GMPPA: variants seen among roughly 807,000 people sequenced by gnomAD.
The protein encoded by GMPPA is mannose-1-phosphate guanylyltransferase regulatory subunit alpha.
GMPPA carries 46 observed loss-of-function variants against 58.6 expected under a neutral mutation model. That is an observed-to-expected ratio of 0.78 (90% CI 0.62 to 1.00). The LOEUF is 1.00. Ranked by LOEUF, GMPPA falls within the 50% of genes least tolerant of loss-of-function variation. The pLI is 0.00. For synonymous variants in GMPPA, 211 were observed against 214.9 expected (o/e 0.98, Z 0.16); for missense variants, 468 against 556.4 (o/e 0.84, Z 1.60).
At chr2:219,505,843 G>A (rs1694568085) in intron 10 of GMPPA, 82 bp downstream of exon 10, 1 of 1,233,958 alleles carries the variant, frequency 8.1e-7, no homozygotes. Flanking sequence ...AGTTCTGGGT[G>A]CCGGTTTCTT....
Position 219,502,131 on chromosome 2 carries a change from G to A in GMPPA, c.429+94G>A. 1 of 1,287,442 alleles carries A rather than the reference G, an allele frequency of 7.8e-7. No homozygotes were observed. The highest frequency in any genetic ancestry group is 1.1e-6 in the Non-Finnish European group (1 of 904,564). The allele number at this position is 1,287,442 out of a possible 1,614,324, so 79.8% of individuals were successfully genotyped here. On this transcript the variant is annotated intron_variant, in intron 5 of 12. Coordinates refer to ENST00000313597, the MANE Select transcript of GMPPA (RefSeq NM_013335.4). The surrounding 1 kb of genome is among the most constrained non-coding windows in gnomAD (Gnocchi z 4.0). ...TTGGGGAGGCAGGGGCGCCCCGGGA[G>A]TTGGTGTGGGAGCTGGCGTCAGGAG...
At position 219,505,743 on chromosome 2, in the gene GMPPA, G is replaced by A. The variant is rs1430156428; in HGVS notation, c.882G>A (p.Lys294=). ...RGNVYIHPTA[K]VAPSAVLGPN... ...ATGTGTACATCCACCCGACCGCCAAGGTGGCCCCCTCGGCTGTGGTGAGCA... is the reference window on the plus strand; with the variant it reads ...ATGTGTACATCCACCCGACCGCCAAAGTGGCCCCCTCGGCTGTGGTGAGCA... Residue 294 remains lysine, a synonymous_variant, in exon 10 of 13, where the codon AAG becomes AAA. Transcript: ENST00000313597. The A allele has an allele frequency of 1.2e-5, 20 of 1,609,962 alleles. No individual in the cohort carries two copies. Among genetic ancestry groups the A allele is most frequent in the Non-Finnish European group, 1.6e-5 (19 of 1,179,184 alleles).
chr2:219,502,060 A>G lies in GMPPA; in HGVS notation c.429+23A>G, dbSNP rs376536579. 1 of 1,610,518 alleles carries G rather than the reference A, an allele frequency of 6.2e-7. No homozygotes were observed. Among genetic ancestry groups the G allele is most frequent in the Non-Finnish European group, 8.5e-7 (1 of 1,177,456 alleles). On this transcript the variant is annotated intron_variant, in intron 5 of 12. Coordinates refer to ENST00000313597, the MANE Select transcript of GMPPA (RefSeq NM_013335.4). The surrounding 1 kb of genome is among the most constrained non-coding windows in gnomAD (Gnocchi z 4.0). The stretch of plus-strand genomic sequence containing the variant: ...ACGGTGAGGGGGTCAGGAGGGCTGG[A>G]GGGTGTAGAGGAGGTGATCCCAAGA...
chr2:219,501,468 G>A lies in GMPPA; in HGVS notation c.139-8G>A. On this transcript the variant is annotated splice_region_variant and splice_polypyrimidine_tract_variant and intron_variant, in intron 3 of 12. Coordinates refer to ENST00000313597, the MANE Select transcript of GMPPA (RefSeq NM_013335.4). ...ATTCTTCATCCCAGCCTCTTCCCTT[G>A]TCCTCAGGTCCCTGGAATGCAGGAG... The A allele has an allele frequency of 6.7e-7, 1 of 1,500,526 alleles. No individual in the cohort carries two copies. Among genetic ancestry groups the A allele is most frequent in the Non-Finnish European group, 9.3e-7 (1 of 1,076,564 alleles). 93.0% of individuals were successfully genotyped at this position (1,500,526 alleles called of 1,614,324 possible).
chr2:219,506,767 G>A lies in GMPPA; in HGVS notation c.1232G>A (p.Ser411Asn). 1.9e-6 allele frequency: 3 copies of A among 1,595,772 alleles called. No individual in the cohort carries two copies. Among genetic ancestry groups the A allele is most frequent in the Non-Finnish European group, 2.6e-6 (3 of 1,163,462 alleles). ...ATTGTTCTGCCACACAAGGAGCTGA[G>A]CCGAAGCTTCACCAACCAGATCATC... ...NSIVLPHKEL[S>N]RSFTNQIIL Residue 411 changes from serine to asparagine, a missense_variant, in exon 13 of 13, where the codon AGC becomes AAC. Ser to Asn is a conservative substitution (Grantham distance 46, BLOSUM62 1). Coordinates refer to ENST00000313597, the MANE Select transcript of GMPPA (RefSeq NM_013335.4).
intron 4 of GMPPA, 95 bp downstream of exon 4, chr2:219,501,674 C>A: frequency 2.1e-6 from 2 of 944,042 alleles, no homozygotes; most frequent in Non-Finnish European, 3.5e-6. Flanking sequence ...TGGAGTTCAT[C>A]CTCGCCTACT....
chr2:219,505,145 A>G (rs1046612080), intron 7 of GMPPA, 83 bp from the exon 8 acceptor site: 21 of 1,458,964 alleles, frequency 1.4e-5, no homozygotes, highest in Non-Finnish European at 2.0e-5. Flanking sequence ...GAATCCTCCT[A>G]CTCCTGTCCC....
At position 219,500,160 on chromosome 2, in the gene GMPPA, C is replaced by T; in HGVS notation, c.80C>T (p.Pro27Leu). 1 of 1,596,634 alleles carries T rather than the reference C, an allele frequency of 6.3e-7. No homozygotes were observed. The highest frequency in any genetic ancestry group is 1.1e-5 in the South Asian group (1 of 89,074). The change falls in exon 3 of 13, where the codon CCA becomes CTA. Residue 27 changes from proline to leucine, a missense_variant. By Grantham distance (98) the Pro-to-Leu change is moderately conservative (BLOSUM62 -3). Transcript: ENST00000313597. ...CCTTTGTCTTTTGAGGTGCCCAAAC[C>T]ATTGTTTCCTGTGGCAGGGGTCCCT... ...FRPLSFEVPK[P>L]LFPVAGVPMI...
At position 219,502,436 on chromosome 2, in the gene GMPPA, C is replaced by G. The variant is rs746029002; in HGVS notation, c.484C>G (p.His162Asp). 2 of 1,613,442 alleles carry G rather than the reference C, an allele frequency of 1.2e-6. No individual in the cohort carries two copies. The highest frequency in any genetic ancestry group is 1.7e-6 in the Non-Finnish European group (2 of 1,179,554). The change falls in exon 6 of 13, where the codon CAC becomes GAC. Residue 162 changes from histidine (H) to aspartate (D), a missense_variant. By Grantham distance (81) the His-to-Asp change is moderately conservative. Coordinates refer to ENST00000313597, the MANE Select transcript of GMPPA (RefSeq NM_013335.4). The surrounding 1 kb of genome is among the most constrained non-coding windows in gnomAD (Gnocchi z 4.0). ...YGCIVENPQT[H>D]EVLHYVEKPS... Reference sequence around the variant, plus strand: ...CTGCATCGTTGAGAATCCACAGACACACGAGGTGAGAGCAGAGTGGGGGCT... The same window carrying G: ...CTGCATCGTTGAGAATCCACAGACAGACGAGGTGAGAGCAGAGTGGGGGCT...
chr2:219,502,092 C>T lies in GMPPA; in HGVS notation c.429+55C>T, dbSNP rs528048995. The T allele has an allele frequency of 7.1e-5, 112 of 1,575,072 alleles. No homozygotes were observed. Among genetic ancestry groups the T allele is most frequent in the Middle Eastern group, 3.5e-4 (2 of 5,668 alleles). ...AGAGGAGGTGATCCCAAGAGCTTCC[C>T]GGAATTCAGGGTGTTGGGGAGGCAG... is the stretch of plus-strand genomic sequence containing the variant. On this transcript the variant is annotated intron_variant, in intron 5 of 12. Coordinates refer to ENST00000313597, the MANE Select transcript of GMPPA (RefSeq NM_013335.4). This position sits in a 1 kb window ranked among gnomAD's most constrained non-coding sequence, Gnocchi z 4.0.
Position 219,500,152 on chromosome 2 carries a change from G to A in GMPPA, c.72G>A (p.Val24=), listed in dbSNP as rs367740715. ...GTRFRPLSFE[V]PKPLFPVAGV... is the part of the protein sequence containing the mutation. ...GCTTCAGACCTTTGTCTTTTGAGGTGCCCAAACCATTGTTTCCTGTGGCAG... is the reference window on the plus strand; with the variant it reads ...GCTTCAGACCTTTGTCTTTTGAGGTACCCAAACCATTGTTTCCTGTGGCAG... The change falls in exon 3 of 13, where the codon GTG becomes GTA. Residue 24 remains valine, a synonymous_variant. Coordinates refer to ENST00000313597, the MANE Select transcript of GMPPA (RefSeq NM_013335.4). 18 of 1,598,328 alleles carry A rather than the reference G, an allele frequency of 1.1e-5. No individual in the cohort carries two copies. The highest frequency in any genetic ancestry group is 1.5e-5 in the Non-Finnish European group (17 of 1,170,890).
Position 219,505,293 on chromosome 2 carries a change from C to T in GMPPA, c.686C>T (p.Ala229Val). 6.2e-7 allele frequency: 1 copy of T among 1,614,088 alleles called. No homozygotes were observed. The highest frequency in any genetic ancestry group is 1.3e-5 in the African/African-American group (1 of 75,064). ...CGCCTAGAGCAGGATGTGTTTTCAG[C>T]CCTGGCAGGGCAGGGCCAGATATAC... The part of the protein sequence containing the change: ...TIRLEQDVFS[A>V]LAGQGQIYVH... The change falls in exon 8 of 13, where the codon GCC (alanine) becomes GTC (valine). Residue 229 changes from alanine to valine, a missense_variant. Physicochemically the swap from Ala to Val is moderately conservative, Grantham distance 64. Transcript: ENST00000313597.
rs757423353 is a variant in GMPPA, at chr2:219,506,986, T to C, written c.*188T>C. ...ACTCCCTAATAAACCCCGTGAACCTTGGAGCCAGCACAGACTGTACTTATG... is the reference window on the plus strand; with the variant it reads ...ACTCCCTAATAAACCCCGTGAACCTCGGAGCCAGCACAGACTGTACTTATG... On this transcript the variant is annotated 3_prime_UTR_variant, in exon 13 of 13. Coordinates refer to ENST00000313597, the MANE Select transcript of GMPPA (RefSeq NM_013335.4). The C allele has an allele frequency of 1.7e-6, 1 of 599,164 alleles. No homozygotes were observed. Among genetic ancestry groups the C allele is most frequent in the Middle Eastern group, 4.2e-4 (1 of 2,362 alleles). The allele number at this position is 599,164 out of a possible 1,614,324, so 37.1% of individuals were successfully genotyped here. A position where few individuals can be genotyped will look rare whatever the true frequency, so the allele number is the denominator to read the frequency against.
Position 219,506,472 on chromosome 2 carries a change from A to G in GMPPA, c.1162+50A>G, listed in dbSNP as rs774089217. ...TGGGGGAACCCCTCAGCTGATGGCC[A>G]GTGGCCCCGGGGAGCATTCGTTCCT... On this transcript the variant is annotated intron_variant, in intron 12 of 12. Transcript: ENST00000313597. 59 of 1,548,136 alleles carry G rather than the reference A, an allele frequency of 3.8e-5. No homozygotes were observed. In the Admixed American group the frequency reaches 1.0e-3, roughly 27 times the overall value.
chr2:219,503,158 A>G (rs2125633463), intron 6 of GMPPA, among the ~76,000 whole-genome samples: 1 of 148,588 alleles, frequency 6.7e-6, no homozygotes, highest in South Asian at 2.1e-4. Flanking sequence ...TTTGAGACAG[A>G]GTCTCACTCT....
intron 11 of GMPPA, 31 bp from the exon 12 acceptor site, chr2:219,506,223 T>G (rs1331365821): frequency 6.3e-7 from 1 of 1,584,596 alleles, no homozygotes; most frequent in East Asian, 2.3e-5. Flanking sequence ...TCCTGCCTCT[T>G]CCCCTTACCT....
intron 1 of GMPPA, chr2:219,499,226 T>C (rs999750578): frequency 6.6e-5 from 10 of 152,300 alleles, no homozygotes; most frequent in Admixed American, 6.5e-4. Context: ...AGGGAACCTG[T>C]CTTTTGATTT....
intron 12 of GMPPA, 108 bp downstream of exon 12, chr2:219,506,530 CAGTT>C: frequency 8.2e-7 from 1 of 1,213,798 alleles, no homozygotes; most frequent in Non-Finnish European, 1.2e-6. Flanking sequence ...TTTTAGCAAA[CAGTT>C]ACCAAGGGCC....
intron 4 of GMPPA, 28 bp downstream of exon 4, chr2:219,501,607 G>A (rs760570298): frequency 3.6e-6 from 5 of 1,385,376 alleles, no homozygotes; most frequent in East Asian, 2.3e-5. Context: ...CGTATATGGG[G>A]GGGTGGGGAT....
Sources: allele counts gnomAD v4.1 joint callset (sites outside exome capture counted in the v4.1 genomes callset), GRCh38; gene constraint gnomAD v4.1.1; non-coding constraint Gnocchi (gnomAD v3.1); transcripts MANE v1.5; gene names NCBI Gene and HGNC (gene_info 2026-07-23, HGNC 2026-07-21).